Variants in GRIK1 observed in about 807,000 individuals in gnomAD.
GRIK1 encodes glutamate ionotropic receptor kainate type subunit 1.
A neutral mutation model predicts 105.7 loss-of-function variants in GRIK1; 69 were observed. The ratio of observed to expected loss-of-function variants is 0.65; its 90% CI spans 0.54 to 0.80. The LOEUF is 0.80. Ranked by LOEUF, GRIK1 falls within the 30% of genes least tolerant of loss-of-function variation. The pLI is 0.00. For synonymous variants in GRIK1, 438 were observed against 431.3 expected, an observed-to-expected ratio of 1.02 and a Z score of -0.19; for missense variants, 1,109 against 1,167.3, an observed-to-expected ratio of 0.95 and a Z score of 0.73.
chr21:29,568,110 T>C (rs994565605), intron 14 of GRIK1, among the ~76,000 whole-genome samples: 4 of 152,202 alleles, frequency 2.6e-5, no homozygotes, highest in African/African-American at 9.7e-5. Flanking sequence ...TAAAGATTGG[T>C]CTATTACAGG....
chr21:29,900,132 G>A (rs1287518379), intron 1 of GRIK1, among the ~76,000 whole-genome samples: 2 of 149,312 alleles, frequency 1.3e-5, no homozygotes, highest in Non-Finnish European at 3.0e-5. Context: ...CCTGAAGGAA[G>A]CACTAAATAT....
At chr21:29,885,795 G>T (rs1356037688) in intron 1 of GRIK1, among the ~76,000 whole-genome samples, 1 of 152,064 alleles carries the variant, frequency 6.6e-6, no homozygotes, top group Admixed American at 6.6e-5. Flanking sequence ...ATTCAGAGCT[G>T]TTCTCCTTTG....
intron 14 of GRIK1, among the ~76,000 whole-genome samples, chr21:29,575,459 A>G (rs2090868002): frequency 6.6e-6 from 1 of 152,218 alleles, no homozygotes; most frequent in Non-Finnish European, 1.5e-5. Context: ...ACAATGTTTA[A>G]AAAGGAAATA....
chr21:29,810,629 T>G (rs928380324), intron 1 of GRIK1, among the ~76,000 whole-genome samples: 1 of 152,170 alleles, frequency 6.6e-6, no homozygotes, highest in Non-Finnish European at 1.5e-5. Flanking sequence ...TATATTTTCT[T>G]TTTTTCACTT....
chr21:29,582,073 G>T (rs2091034502), intron 12 of GRIK1, among the ~76,000 whole-genome samples: 1 of 152,150 alleles, frequency 6.6e-6, no homozygotes, highest in African/African-American at 2.4e-5. Flanking sequence ...TGCATGAAAG[G>T]GATTGCAAGG....
chr21:29,738,885 A>T (rs1480220138), intron 1 of GRIK1, among the ~76,000 whole-genome samples: 1 of 152,268 alleles, frequency 6.6e-6, no homozygotes, highest in East Asian at 1.9e-4. Context: ...ACAATAATGC[A>T]GCCTTTTGTA....
At chr21:29,752,788 G>A (rs1221470693) in intron 1 of GRIK1, among the ~76,000 whole-genome samples, 3 of 152,228 alleles carry the variant, frequency 2.0e-5, no homozygotes, top group African/African-American at 7.2e-5. Flanking sequence ...AGTGAACTAG[G>A]ATCGTGCCAC....
At chr21:29,899,448 T>C (rs1314718062) in intron 1 of GRIK1, among the ~76,000 whole-genome samples, 1 of 152,222 alleles carries the variant, frequency 6.6e-6, no homozygotes, top group Non-Finnish European at 1.5e-5. Flanking sequence ...TTCATGCGTC[T>C]TTTCATTCTT....
At chr21:29,591,478 T>C (rs1370456403) in intron 9 of GRIK1, among the ~76,000 whole-genome samples, 1 of 152,216 alleles carries the variant, frequency 6.6e-6, no homozygotes, top group Non-Finnish European at 1.5e-5. Flanking sequence ...AAACTCATTT[T>C]CTTTTATAAA....
intron 1 of GRIK1, among the ~76,000 whole-genome samples, chr21:29,902,440 T>C (rs1457017019): frequency 6.6e-6 from 1 of 152,202 alleles, no homozygotes; most frequent in African/African-American, 2.4e-5. Flanking sequence ...ATGAGCAACT[T>C]TGGCAAAGTC....
chr21:29,792,349 G>A (rs2066441876), intron 1 of GRIK1, among the ~76,000 whole-genome samples: 1 of 152,160 alleles, frequency 6.6e-6, no homozygotes, highest in South Asian at 2.1e-4. Context: ...TCAGTGTTAG[G>A]AAAGTGCTCA....
rs558465764 is a variant in GRIK1 at position 29,715,006 on chromosome 21, T to C, written c.119-20943A>G. Among the ~76,000 whole-genome samples the C allele has an allele frequency of 2.0e-5, 3 of 152,282 alleles. No individual in the cohort carries two copies. The South Asian group carries it at 6.2e-4, about 32-fold the overall frequency. On this transcript the variant is annotated intron_variant, in intron 1 of 17. Transcript: ENST00000327783. ...TTAGAATTCAGAGTCCAGCTCCCCA[T>C]AGGATAAGCAGTAGTGAATTGTAGC... is the stretch of plus-strand genomic sequence containing the variant.
intron 4 of GRIK1, among the ~76,000 whole-genome samples, chr21:29,668,886 A>T (rs557994918): frequency 6.6e-6 from 1 of 152,316 alleles, no homozygotes; most frequent in South Asian, 2.1e-4. Flanking sequence ...GAGGAGGAGC[A>T]ATGGTTTCCA....
chr21:29,866,783 A>C (rs1289635887), intron 1 of GRIK1, among the ~76,000 whole-genome samples: 1 of 152,262 alleles, frequency 6.6e-6, no homozygotes, highest in African/African-American at 2.4e-5. Context: ...TTGCAAAAGA[A>C]AACAAATTTT....
chr21:29,782,044 G>C (rs537504796), intron 1 of GRIK1, among the ~76,000 whole-genome samples: 1 of 151,180 alleles, frequency 6.6e-6, no homozygotes, highest in South Asian at 2.1e-4. Flanking sequence ...ATGGGCATTT[G>C]GGTACTGCCA....
At chr21:29,796,704 T>C (rs904708475) in intron 1 of GRIK1, among the ~76,000 whole-genome samples, 1 of 152,108 alleles carries the variant, frequency 6.6e-6, no homozygotes, top group East Asian at 1.9e-4. Context: ...ATCCCAGCAC[T>C]TTGGGAGGCC....
chr21:29,654,970 T>A (rs1338731633), intron 4 of GRIK1, 107 bp from the exon 5 acceptor site: 1 of 780,310 alleles, frequency 1.3e-6, no homozygotes, highest in African/African-American at 1.7e-5. Flanking sequence ...AGGAAGGGAC[T>A]TTGGAAATCC....
At chr21:29,623,814 T>C (rs1258441797) in intron 7 of GRIK1, among the ~76,000 whole-genome samples, 1 of 152,224 alleles carries the variant, frequency 6.6e-6, no homozygotes, top group African/African-American at 2.4e-5. Context: ...ATTCACTAAG[T>C]ATAAAGTGTG....
intron 14 of GRIK1, among the ~76,000 whole-genome samples, chr21:29,564,748 A>C (rs542759419): frequency 6.6e-6 from 1 of 152,334 alleles, no homozygotes; most frequent in Admixed American, 6.5e-5. Flanking sequence ...TCACTCTGTG[A>C]GTATTCAACA....
Sources: allele counts gnomAD v4.1 joint callset (sites outside exome capture counted in the v4.1 genomes callset), GRCh38; gene constraint gnomAD v4.1.1; transcripts MANE v1.5; gene names NCBI Gene and HGNC (gene_info 2026-07-23, HGNC 2026-07-21).